SELENON: variants seen among roughly 807,000 people sequenced by gnomAD.
The protein encoded by SELENON is selenoprotein N, also known as selenoprotein N, 1.
In SELENON, 44 loss-of-function variants were observed where a neutral mutation model predicts 59.5. That is an observed-to-expected ratio of 0.74 (90% CI 0.58 to 0.95). SELENON has a LOEUF of 0.95. SELENON is among the 40% of genes least tolerant of loss of function. SELENON has a pLI of 0.00. For missense variants in SELENON, 674 were observed against 721.4 expected, an observed-to-expected ratio of 0.93 and a Z score of 0.75; for synonymous variants, 320 against 305.6, an observed-to-expected ratio of 1.05 and a Z score of -0.49.
At position 25,815,881 on chromosome 1, in the gene SELENON, G is replaced by A. The variant is rs2048006889; in HGVS notation, c.*163G>A. 2 of 679,032 alleles carry A rather than the reference G, an allele frequency of 2.9e-6. No homozygotes were observed. Among genetic ancestry groups the A allele is most frequent in the East Asian group, 2.7e-5 (1 of 36,516 alleles). The allele number at this position is 679,032 out of a possible 1,614,324, so 42.1% of individuals were successfully genotyped here. A position where few individuals can be genotyped will look rare whatever the true frequency, so the allele number is the denominator to read the frequency against. ...TGGCCACCACAGCCTTGGCTCCATG[G>A]TGGCGGGTAGACAAGGGATGCCTGG... On this transcript the variant is annotated 3_prime_UTR_variant, in exon 13 of 13. Coordinates refer to ENST00000361547, the MANE Select transcript of SELENON (RefSeq NM_020451.3).
intron 6 of SELENON, 116 bp downstream of exon 5, chr1:25,809,266 G>C: frequency 6.7e-7 from 1 of 1,495,910 alleles, no homozygotes; most frequent in Non-Finnish European, 9.1e-7. Context: ...CTGCCGTCTT[G>C]GGCAAGCAGC....
intron 12 of SELENON, among the ~76,000 whole-genome samples, chr1:25,814,840 AG>A (rs1469738643): frequency 6.6e-6 from 1 of 151,966 alleles, no homozygotes; most frequent in Non-Finnish European, 1.5e-5. Flanking sequence ...GGGCTGTAGG[AG>A]GGGGCCGGCT....
chr1:25,801,203 C>A, intron 2 of SELENON, 43 bp downstream of exon 2: 2 of 1,487,518 alleles, frequency 1.3e-6, no homozygotes, highest in South Asian at 1.1e-5. Context: ...GCGCCTTGGC[C>A]AACGGTGTCT....
rs1557814475 is a variant in SELENON at position 25,801,178 on chromosome 1, CG to C, written c.301+20del. 16 of 1,600,602 alleles carry C rather than the reference CG, an allele frequency of 1.0e-5. No individual in the cohort carries two copies. Among genetic ancestry groups the C allele is most frequent in the Non-Finnish European group, 1.4e-5 (16 of 1,167,836 alleles). ...GCTAACAGGTACCAGGAGAGACTGG[CG>C]GCTGGGGAGGAGGGCGCCTTGGCCA... On this transcript the variant is annotated intron_variant, in intron 2 of 12. Coordinates refer to ENST00000361547, the MANE Select transcript of SELENON (RefSeq NM_020451.3).
At chr1:25,811,571 G>T in intron 8 of SELENON, 36 bp downstream of exon 7, 1 of 1,607,664 alleles carries the variant, frequency 6.2e-7, no homozygotes, top group Non-Finnish European at 8.5e-7. Flanking sequence ...AGGTGGGCTC[G>T]GCTGCAGGGC....
Position 25,800,343 on chromosome 1 carries a change from T to C in SELENON, c.113T>C (p.Leu38Pro). The C allele has an allele frequency of 9.8e-7, 1 of 1,023,388 alleles. No individual in the cohort carries two copies. The highest frequency in any genetic ancestry group is 1.7e-5 in the African/African-American group (1 of 57,424). 63.4% of individuals were successfully genotyped at this position (1,023,388 alleles called of 1,614,324 possible). ...TCCCTGGCGCTGCTCGGAGCCCTGC[T>C]GGCCGCCGCCGCTGCCGCCGCCGTC... The change falls in exon 1 of 13, where the codon CTG (leucine) becomes CCG (proline). Residue 38 changes from leucine to proline, a missense_variant. Transcript: ENST00000361547.
In SELENON at chr1:25,811,819, G is replaced by A; in HGVS notation, c.1221G>A (p.Gln407=). 1 of 1,586,118 alleles carries A rather than the reference G, an allele frequency of 6.3e-7. No individual in the cohort carries two copies. The highest frequency in any genetic ancestry group is 1.3e-5 in the African/African-American group (1 of 74,706). The change falls in exon 9 of 13, where the codon CAG becomes CAA. Residue 407 remains glutamine, a synonymous_variant. Coordinates refer to ENST00000361547, the MANE Select transcript of SELENON (RefSeq NM_020451.3). ...TGTTTGAGGAGATCAAGTGGCAGCA[G>A]GAGCTGAGCTGGGAGGAGGCTGCCC...
At position 25,814,175 on chromosome 1, in the gene SELENON, C is replaced by T. The variant is rs762689677; in HGVS notation, c.1599C>T (p.Thr533=). ...TGATGATCTGCCTGCCCAATGGCAC[C>T]GTGGTAGGCACCCCCACTCAGACCC... Residue 533 remains threonine (T), a synonymous_variant, in exon 12 of 13, where the codon ACC becomes ACT. Transcript: ENST00000361547. 1.2e-5 allele frequency: 19 copies of T among 1,613,096 alleles called. No homozygotes were observed. The highest frequency in any genetic ancestry group is 2.7e-5 in the African/African-American group (2 of 74,912).
chr1:25,801,691 C>CAA lies in SELENON; in HGVS notation c.302-319_302-318dup, dbSNP rs35463034. Among the ~76,000 whole-genome samples the CAA allele has an allele frequency of 5.9e-5, 9 of 151,782 alleles. No individual in the cohort carries two copies. In the South Asian group the frequency reaches 1.5e-3, roughly 25 times the overall value. On this transcript the variant is annotated intron_variant, in intron 2 of 12. Transcript: ENST00000361547. The stretch of plus-strand genomic sequence containing the variant: ...AACAAACAAAGCAAAACCAAAAAAA[C>CAA]AAAAAAACCATTCCTTGGCCACCTC...
At position 25,808,600 on chromosome 1, in the gene SELENON, C is replaced by T. The variant is rs374013102; in HGVS notation, c.558C>T (p.Ser186=). The T allele has an allele frequency of 2.7e-5, 44 of 1,613,716 alleles. No individual in the cohort carries two copies. The highest frequency in any genetic ancestry group is 1.4e-4 in the South Asian group (13 of 91,072). Residue 186 remains serine, a synonymous_variant, in exon 5 of 13, where the codon TCC becomes TCT. Coordinates refer to ENST00000361547, the MANE Select transcript of SELENON (RefSeq NM_020451.3). The stretch of plus-strand genomic sequence containing the variant: ...CCCAGGTCTCCCGCCTCGCCCTGTC[C>T]GGCCTCCGAAACTGGACAGCCGCCG...
At chr1:25,809,583 C>G in intron 6 of SELENON, 100 bp from the exon 6 acceptor site, 1 of 1,557,466 alleles carries the variant, frequency 6.4e-7, no homozygotes, top group East Asian at 2.2e-5. Context: ...ACCTCCACCC[C>G]CACACTCAGC....
rs2048006705 is a variant in SELENON, at chr1:25,815,849, C to T, written c.*131C>T. ...GCTGCCTTGGAGGGTACAAGATCCA[C>T]TGAGGGTGGCCACCACAGCCTTGGC... On this transcript the variant is annotated 3_prime_UTR_variant, in exon 13 of 13. Transcript: ENST00000361547. 1.1e-6 allele frequency: 1 copy of T among 938,996 alleles called. No individual in the cohort carries two copies. Among genetic ancestry groups the T allele is most frequent in the South Asian group, 1.6e-5 (1 of 64,388 alleles). 58.2% of individuals were successfully genotyped at this position (938,996 alleles called of 1,614,324 possible).
chr1:25,815,507 C>T (rs770424985), intron 12 of SELENON, 41 bp from the exon 12 acceptor site: 4 of 1,592,552 alleles, frequency 2.5e-6, no homozygotes, highest in East Asian at 2.2e-5. Flanking sequence ...AGCCTGGGGG[C>T]CCCCCTCCGC....
At chr1:25,809,635 T>G (rs2047940565) in intron 6 of SELENON, 48 bp from the exon 6 acceptor site, 1 of 1,610,324 alleles carries the variant, frequency 6.2e-7, no homozygotes, top group Non-Finnish European at 8.5e-7. Flanking sequence ...CCCGGGCTCC[T>G]GGGGAGAAGG....
chr1:25,812,126 T>C (rs956537473), intron 9 of SELENON, among the ~76,000 whole-genome samples: 2 of 152,122 alleles, frequency 1.3e-5, no homozygotes, highest in African/African-American at 2.4e-5. Context: ...GAATCACTTG[T>C]GGCCAGGAGT....
Position 25,817,237 on chromosome 1 carries a change from C to CG in SELENON, c.*1521dup, listed in dbSNP as rs2048019597. On this transcript the variant is annotated 3_prime_UTR_variant, in exon 13 of 13. Coordinates refer to ENST00000361547, the MANE Select transcript of SELENON (RefSeq NM_020451.3). Reference sequence around the variant, plus strand: ...AATTTTGTTTTGTTTTGTTTTGAGACGGAGTCTTGCTCTGTCACCCAGGCT... The same window carrying CG: ...AATTTTGTTTTGTTTTGTTTTGAGACGGGAGTCTTGCTCTGTCACCCAGGCT... 1 of 118,172 alleles carries CG rather than the reference C, an allele frequency of 8.5e-6. No individual in the cohort carries two copies. 7.3% of individuals were successfully genotyped at this position (118,172 alleles called of 1,614,324 possible).
rs758254438 is a variant in SELENON, at chr1:25,812,821, G to A, written c.1387+29G>A. On this transcript the variant is annotated intron_variant, in intron 10 of 12. Transcript: ENST00000361547. ...AGGGGCCCGGCTGGATCTAAGGGGA[G>A]CAGTGGGAAAGTCCACACCTTGTGG... 15 of 1,551,774 alleles carry A rather than the reference G, an allele frequency of 9.7e-6. No homozygotes were observed. The South Asian group carries it at 1.5e-4, about 15-fold the overall frequency.
At position 25,808,792 on chromosome 1, in the gene SELENON, G is replaced by A. The variant is rs1323334632; in HGVS notation, c.747+3G>A. On this transcript the variant is annotated splice_donor_region_variant and intron_variant, in intron 5 of 12. Coordinates refer to ENST00000361547, the MANE Select transcript of SELENON (RefSeq NM_020451.3). ...CACCGCCGCCCAAGGGCAAGGAGGT[G>A]AGGACAGCTGGGGTGCGACGTGGGG... 6.2e-7 allele frequency: 1 copy of A among 1,613,614 alleles called. No homozygotes were observed. Among genetic ancestry groups the A allele is most frequent in the Admixed American group, 1.7e-5 (1 of 60,034 alleles).
chr1:25,803,843 C>T (rs181651342), intron 3 of SELENON, among the ~76,000 whole-genome samples: 23 of 151,872 alleles, frequency 1.5e-4, no homozygotes, highest in Non-Finnish European at 3.1e-4. Context: ...GCTGGGATTA[C>T]AGGGGTGCAC....
Sources: allele counts gnomAD v4.1 joint callset (sites outside exome capture counted in the v4.1 genomes callset), GRCh38; gene constraint gnomAD v4.1.1; transcripts MANE v1.5; gene names NCBI Gene and HGNC (gene_info 2026-07-23, HGNC 2026-07-21).